Variants in TIMM44 observed in about 807,000 individuals in gnomAD.
TIMM44 encodes translocase of inner mitochondrial membrane 44.
Under a neutral mutation model 63.8 loss-of-function variants are expected in TIMM44, and 37 were observed. The observed-to-expected ratio is 0.58, with a 90% CI of 0.45 to 0.76. The LOEUF is 0.76. Among genes scored for constraint, TIMM44 ranks in the 30% least tolerant of loss-of-function variants. The pLI, the probability that TIMM44 is intolerant of heterozygous loss-of-function variation, is 0.00. For synonymous variants in TIMM44, 239 were observed against 245.1 expected, an observed-to-expected ratio of 0.98 and a Z score of 0.23; for missense variants, 573 against 603.8, an observed-to-expected ratio of 0.95 and a Z score of 0.54.
In TIMM44 at chr19:7,934,410, G is replaced by C. The variant is rs1314648449; in HGVS notation, c.394-172C>G. Among the ~76,000 whole-genome samples the C allele has an allele frequency of 6.6e-6, 1 of 150,476 alleles. No individual in the cohort carries two copies. On this transcript the variant is annotated intron_variant, in intron 4 of 12. Transcript: ENST00000270538. The surrounding 1 kb of genome is among the most constrained non-coding windows in gnomAD (Gnocchi z 5.3). ...CACCCCCAGAGCCATGAGCACAACG[G>C]CACCCCCAGAGCCACGAGCACACCG... is the stretch of plus-strand genomic sequence containing the variant.
chr19:7,931,718 GC>G (rs1983988965), intron 9 of TIMM44: 1 of 166,014 alleles, frequency 6.0e-6, no homozygotes, highest in Admixed American at 5.9e-5. Context: ...TGGAGCCTGG[GC>G]CGGATCCGAT....
rs937118052 is a variant in TIMM44 at position 7,929,879 on chromosome 19, C to A, written c.1038+1259G>T. ...TATTTCTTTTTTTTTAAGACAGTCT[C>A]GCTCTGTTGCCCAGGCTGGAGTGCA... On this transcript the variant is annotated intron_variant, in intron 10 of 12. Transcript: ENST00000270538. Among the ~76,000 whole-genome samples, 3 of 152,178 alleles carry A rather than the reference C, an allele frequency of 2.0e-5. No homozygotes were observed. In the South Asian group the frequency reaches 6.2e-4, roughly 31 times the overall value.
At position 7,927,655 on chromosome 19, in the gene TIMM44, A is replaced by C; in HGVS notation, c.1239+2T>G. 1 of 1,612,850 alleles carries C rather than the reference A, an allele frequency of 6.2e-7. No homozygotes were observed. Among genetic ancestry groups the C allele is most frequent in the South Asian group, 1.1e-5 (1 of 91,068 alleles). ...CCTGCCCCATCCCACTCCCTCACTC[A>C]CCGGGTCACCCTCCACCACCTCGCC... On this transcript the variant is annotated splice_donor_variant, in intron 12 of 12. Coordinates refer to ENST00000270538, the MANE Select transcript of TIMM44 (RefSeq NM_006351.4). LOFTEE classifies it high-confidence loss of function.
chr19:7,932,786 G>T, intron 8 of TIMM44, 35 bp from the exon 9 acceptor site: 2 of 1,614,064 alleles, frequency 1.2e-6, no homozygotes, highest in Non-Finnish European at 1.7e-6. Flanking sequence ...CGGGGGGAAG[G>T]CCGGGGACCC....
intron 10 of TIMM44, among the ~76,000 whole-genome samples, chr19:7,929,408 C>T (rs1010136446): frequency 6.6e-6 from 1 of 152,184 alleles, no homozygotes; most frequent in Non-Finnish European, 1.5e-5. Flanking sequence ...GTGAGGACAG[C>T]TAGAGGCTCC....
chr19:7,931,420 C>T (rs1461651449), intron 9 of TIMM44: 14 of 550,030 alleles, frequency 2.5e-5, no homozygotes, highest in East Asian at 6.2e-5. Context: ...GGCCTGCGGG[C>T]GACCACCCAG....
Position 7,927,785 on chromosome 19 carries a change from G to T in TIMM44, c.1129-18C>A, listed in dbSNP as rs1439969234. ...ATGGCCAGCTGCAGAGGGGCCGAGA[G>T]GGGGGATGTGCCTCAGAGGACAGCC... is the stretch of plus-strand genomic sequence containing the variant. On this transcript the variant is annotated intron_variant, in intron 11 of 12. Coordinates refer to ENST00000270538, the MANE Select transcript of TIMM44 (RefSeq NM_006351.4). 6.2e-7 allele frequency: 1 copy of T among 1,605,346 alleles called. No individual in the cohort carries two copies. The highest frequency in any genetic ancestry group is 1.7e-5 in the Admixed American group (1 of 60,026).
chr19:7,934,313 T>C lies in TIMM44; in HGVS notation c.394-75A>G. The C allele has an allele frequency of 6.3e-7, 1 of 1,581,952 alleles. No homozygotes were observed. Among genetic ancestry groups the C allele is most frequent in the Non-Finnish European group, 8.6e-7 (1 of 1,163,460 alleles). ...GGGGGGCGGGGCAGGAGGAATGAAT[T>C]CCTGCCGGAGAGAAGGGCGGATCTG... On this transcript the variant is annotated intron_variant, in intron 4 of 12. Coordinates refer to ENST00000270538, the MANE Select transcript of TIMM44 (RefSeq NM_006351.4). This position sits in a 1 kb window ranked among gnomAD's most constrained non-coding sequence, Gnocchi z 5.3.
chr19:7,933,361 A>G lies in TIMM44; in HGVS notation c.769+124T>C. The G allele has an allele frequency of 3.4e-6, 3 of 893,128 alleles. No individual in the cohort carries two copies. Among genetic ancestry groups the G allele is most frequent in the Non-Finnish European group, 3.8e-6 (2 of 522,312 alleles). The allele number at this position is 893,128 out of a possible 1,614,324, so 55.3% of individuals were successfully genotyped here. On this transcript the variant is annotated intron_variant, in intron 7 of 12. Transcript: ENST00000270538. The surrounding 1 kb of genome is among the most constrained non-coding windows in gnomAD (Gnocchi z 4.3). Reference sequence around the variant, plus strand: ...GTGACCGCAAAGAAGTGACCGGCCCACTCTGACCCCGATCTCCTCCTCTGC... The same window carrying G: ...GTGACCGCAAAGAAGTGACCGGCCCGCTCTGACCCCGATCTCCTCCTCTGC...
intron 10 of TIMM44, among the ~76,000 whole-genome samples, chr19:7,930,221 T>C (rs919289554): frequency 6.6e-6 from 1 of 151,914 alleles, no homozygotes; most frequent in Non-Finnish European, 1.5e-5. Context: ...CACTGCAGCC[T>C]TGACCTCGTG....
At chr19:7,931,328 G>T in intron 9 of TIMM44, 140 bp from the exon 10 acceptor site, 1 of 786,598 alleles carries the variant, frequency 1.3e-6, no homozygotes, top group East Asian at 2.6e-5. Context: ...GGCGCGGGTG[G>T]AGCTGTGGCA....
chr19:7,933,395 G>T lies in TIMM44; in HGVS notation c.769+90C>A. 1 of 1,158,238 alleles carries T rather than the reference G, an allele frequency of 8.6e-7. No homozygotes were observed. Among genetic ancestry groups the T allele is most frequent in the Non-Finnish European group, 1.3e-6 (1 of 763,854 alleles). 71.7% of individuals were successfully genotyped at this position (1,158,238 alleles called of 1,614,324 possible). ...CCGATCTCCTCCTCTGCAAAACGGG[G>T]CTGTCTTGTGCCCAATGCAGGGGGA... On this transcript the variant is annotated intron_variant, in intron 7 of 12. Transcript: ENST00000270538. The surrounding 1 kb of genome is among the most constrained non-coding windows in gnomAD (Gnocchi z 4.3).
In TIMM44 at chr19:7,933,773, C is replaced by CT; in HGVS notation, c.683+90dup. Reference sequence around the variant, plus strand: ...GCAGAAGGCAAACTCAAGAAACGGACTCAGGAGGGAACCATTGGTGGGCTC... The same window carrying CT: ...GCAGAAGGCAAACTCAAGAAACGGACTTCAGGAGGGAACCATTGGTGGGCTC... On this transcript the variant is annotated intron_variant, in intron 6 of 12. Coordinates refer to ENST00000270538, the MANE Select transcript of TIMM44 (RefSeq NM_006351.4). The surrounding 1 kb of genome is among the most constrained non-coding windows in gnomAD (Gnocchi z 4.3). 4 of 1,581,254 alleles carry CT rather than the reference C, an allele frequency of 2.5e-6. No homozygotes were observed. Among genetic ancestry groups the CT allele is most frequent in the Non-Finnish European group, 3.5e-6 (4 of 1,155,888 alleles).
At chr19:7,931,248 G>A (rs990969893) in intron 9 of TIMM44, 60 bp from the exon 10 acceptor site, 1 of 1,502,072 alleles carries the variant, frequency 6.7e-7, no homozygotes, top group Admixed American at 1.7e-5. Context: ...CAGCAGGCGA[G>A]GTCCTGGGAA....
chr19:7,942,440 A>G (rs78326325), intron 1 of TIMM44, among the ~76,000 whole-genome samples: 90 of 137,060 alleles, frequency 6.6e-4, no homozygotes, highest in Non-Finnish European at 8.1e-4. Context: ...AAATTGGGGG[A>G]AAAAAAAAAA....
intron 11 of TIMM44, 40 bp downstream of exon 11, chr19:7,928,036 AC>A (rs779947854): frequency 1.9e-6 from 3 of 1,574,686 alleles, no homozygotes; most frequent in South Asian, 2.3e-5. Flanking sequence ...CATAGTTCCC[AC>A]CCCCGATGGT....
Position 7,943,594 on chromosome 19 carries a change from C to A in TIMM44, c.45+13G>T. On this transcript the variant is annotated intron_variant, in intron 1 of 12. Coordinates refer to ENST00000270538, the MANE Select transcript of TIMM44 (RefSeq NM_006351.4). This position sits in a 1 kb window ranked among gnomAD's most constrained non-coding sequence, Gnocchi z 4.3. ...CCCTAAGCTCGCCCTGCCAGCGCCG[C>A]ACCGCCGCTCACCCGTGGACAGCGG... 1 of 1,561,900 alleles carries A rather than the reference C, an allele frequency of 6.4e-7. No individual in the cohort carries two copies. The highest frequency in any genetic ancestry group is 1.4e-5 in the African/African-American group (1 of 73,714).
intron 2 of TIMM44, 80 bp from the exon 3 acceptor site, chr19:7,938,277 A>AT: frequency 1.8e-6 from 2 of 1,094,668 alleles, no homozygotes; most frequent in South Asian, 1.4e-5. Flanking sequence ...GGACTCAGGG[A>AT]TTTTTTTAAA....
chr19:7,928,447 A>C, intron 10 of TIMM44: 1 of 460,192 alleles, frequency 2.2e-6, no homozygotes. Flanking sequence ...TCCCAAATCT[A>C]CTCCCAGGGC....
Sources: gnomAD v4.1 joint callset for allele counts (sites outside exome capture counted in the v4.1 genomes callset) on GRCh38, gnomAD v4.1.1 for gene constraint, Gnocchi (gnomAD v3.1) non-coding constraint, MANE v1.5 for transcripts, NCBI Gene and HGNC (gene_info 2026-07-23, HGNC 2026-07-21) for gene names.